DDX31: variants seen among roughly 807,000 people sequenced by gnomAD.
The protein encoded by DDX31 is ATP-dependent DNA helicase DDX31.
Under a neutral mutation model 91.3 loss-of-function variants are expected in DDX31, and 70 were observed. That is an observed-to-expected ratio of 0.77 (90% CI 0.63 to 0.94). DDX31 has a LOEUF of 0.94. DDX31 is among the 40% of genes least tolerant of loss of function. The pLI, the probability that DDX31 is intolerant of heterozygous loss-of-function variation, is 0.00. For missense variants in DDX31, 902 were observed against 925.0 expected (o/e 0.98, Z 0.32); for synonymous variants, 362 against 350.6 (o/e 1.03, Z -0.36).
intron 9 of DDX31, among the ~76,000 whole-genome samples, 176 bp from the exon 10 acceptor site, chr9:132,648,727 TG>T (rs1436184622): frequency 4.6e-5 from 7 of 152,242 alleles, no homozygotes; most frequent in Non-Finnish European, 1.0e-4. Flanking sequence ...AGTCTTTCCC[TG>T]TACTGTGAAA....
chr9:132,640,819 TTTA>T (rs1833459398), intron 14 of DDX31, among the ~76,000 whole-genome samples: 1 of 152,186 alleles, frequency 6.6e-6, no homozygotes, highest in Non-Finnish European at 1.5e-5. Flanking sequence ...AACAAATTTC[TTTA>T]TTAAGTAGAT....
chr9:132,646,143 A>G (rs781265422), intron 12 of DDX31, 72 bp from the exon 13 acceptor site: 31 of 1,491,154 alleles, frequency 2.1e-5, no homozygotes, highest in Admixed American at 1.9e-5. Flanking sequence ...ATATTTCTCT[A>G]AACTATACAG....
chr9:132,655,144 T>A (rs74459662), intron 6 of DDX31, among the ~76,000 whole-genome samples: 7,429 of 152,068 alleles, frequency 0.049, 601 homozygotes, highest in African/African-American at 0.17. Flanking sequence ...CATATGTGTG[T>A]GTAAAGAGGT....
At chr9:132,666,642 C>A (rs893740015) in intron 1 of DDX31, among the ~76,000 whole-genome samples, 1 of 152,064 alleles carries the variant, frequency 6.6e-6, no homozygotes, top group Non-Finnish European at 1.5e-5. Flanking sequence ...GTGCCTCAGC[C>A]TCCCGAGTGG....
intron 14 of DDX31, chr9:132,637,865 G>C (rs1000827177): frequency 1.0e-6 from 1 of 987,256 alleles, no homozygotes; most frequent in East Asian, 1.1e-4. Flanking sequence ...CCAGAGAAAA[G>C]CACGAAAGTC....
intron 1 of DDX31, among the ~76,000 whole-genome samples, chr9:132,669,367 G>C (rs1835556405): frequency 6.6e-6 from 1 of 151,134 alleles, no homozygotes. Flanking sequence ...GCCAGAGCCA[G>C]TTTGGAAAGT....
chr9:132,612,417 G>T, intron 18 of DDX31, 162 bp from the exon 19 acceptor site: 474 of 626,532 alleles, frequency 7.6e-4, no homozygotes, highest in East Asian at 1.4e-3. Context: ...AGACTTCTGT[G>T]TATTTCTTCA....
chr9:132,661,740 G>A (rs1179614200), intron 3 of DDX31, among the ~76,000 whole-genome samples: 2 of 152,172 alleles, frequency 1.3e-5, no homozygotes, highest in Admixed American at 1.3e-4. Context: ...TTACTCATGA[G>A]TCTGGAGAAC....
chr9:132,645,928 T>A lies in DDX31; in HGVS notation c.1347A>T (p.Lys449Asn). Residue 449 changes from lysine (K) to asparagine (N), a missense_variant, in exon 13 of 20, where the codon AAA becomes AAT. Transcript: ENST00000372159. ...GQLPSASMRLKFLRLHGGMEQ... is the reference protein window; with the variant it reads ...GQLPSASMRLNFLRLHGGMEQ... ...CCATGCCGCCATGCAGCCGTAGGAA[T>A]TTTAATCGCATGGAGGCAGATGGCA... is the stretch of plus-strand genomic sequence containing the variant. 1 of 1,613,732 alleles carries A rather than the reference T, an allele frequency of 6.2e-7. No homozygotes were observed. The highest frequency in any genetic ancestry group is 8.5e-7 in the Non-Finnish European group (1 of 1,179,810).
intron 1 of DDX31, among the ~76,000 whole-genome samples, chr9:132,665,400 T>C (rs1336465278): frequency 1.3e-5 from 2 of 152,074 alleles, no homozygotes; most frequent in East Asian, 1.9e-4. Context: ...GAGACAAAAG[T>C]ATAAAGGCAT....
intron 9 of DDX31, among the ~76,000 whole-genome samples, chr9:132,649,401 G>C (rs1834041678): frequency 6.6e-6 from 1 of 152,194 alleles, no homozygotes; most frequent in Non-Finnish European, 1.5e-5. Context: ...TAGATGCAAT[G>C]GTTGGAGTGC....
intron 19 of DDX31, among the ~76,000 whole-genome samples, chr9:132,607,465 T>A (rs1831088282): frequency 6.6e-6 from 1 of 152,208 alleles, no homozygotes; most frequent in Non-Finnish European, 1.5e-5. Flanking sequence ...ATAATGAAGA[T>A]GTCCCAGATG....
intron 1 of DDX31, chr9:132,669,589 C>T (rs1564348822): frequency 6.7e-7 from 1 of 1,498,230 alleles, no homozygotes; most frequent in Non-Finnish European, 8.9e-7. Flanking sequence ...GAAACAGCCT[C>T]TAATTCCTTC....
chr9:132,650,924 A>G (rs1834142609), intron 8 of DDX31, 151 bp downstream of exon 8: 2 of 751,280 alleles, frequency 2.7e-6, no homozygotes, highest in Admixed American at 3.1e-5. Flanking sequence ...TTAGATCAGT[A>G]AAAACCTATA....
At chr9:132,620,420 CA>C (rs1208464360) in intron 17 of DDX31, among the ~76,000 whole-genome samples, 3,523 of 107,232 alleles carry the variant, frequency 0.033, 110 homozygotes, top group African/African-American at 0.1. Flanking sequence ...TCTTCCCAAC[CA>C]AAAAAAAAAA....
chr9:132,594,585 G>A lies in DDX31; in HGVS notation c.*281C>T. 2.9e-6 allele frequency: 1 copy of A among 341,670 alleles called. No homozygotes were observed. The highest frequency in any genetic ancestry group is 5.2e-6 in the Non-Finnish European group (1 of 190,790). 21.2% of individuals were successfully genotyped at this position (341,670 alleles called of 1,614,324 possible). ...GTGCCAGCTCAACCCCGGCACGTCAGCACCTGGGTGAAGGGAGTGCCGGGC... is the reference window on the plus strand; with the variant it reads ...GTGCCAGCTCAACCCCGGCACGTCAACACCTGGGTGAAGGGAGTGCCGGGC... On this transcript the variant is annotated 3_prime_UTR_variant, in exon 20 of 20. Coordinates refer to ENST00000372159, the MANE Select transcript of DDX31 (RefSeq NM_022779.9).
chr9:132,655,621 A>G (rs562834349), intron 6 of DDX31, among the ~76,000 whole-genome samples: 1 of 152,268 alleles, frequency 6.6e-6, no homozygotes, highest in East Asian at 1.9e-4. Context: ...TATTTTTGGT[A>G]CTCTTTGAAA....
At chr9:132,625,501 G>GAAA (rs56990165) in intron 17 of DDX31, among the ~76,000 whole-genome samples, 163 bp downstream of exon 17, 1 of 140,356 alleles carries the variant, frequency 7.1e-6, no homozygotes, top group Admixed American at 7.1e-5. Flanking sequence ...CAAAGACGAG[G>GAAA]AAAAAAAAAA....
intron 16 of DDX31, among the ~76,000 whole-genome samples, chr9:132,630,049 A>T (rs1832624848): frequency 6.6e-6 from 1 of 152,256 alleles, no homozygotes; most frequent in South Asian, 2.1e-4. Flanking sequence ...AGTACAACAC[A>T]TCGTCCTATG....
Sources: allele counts gnomAD v4.1 joint callset (sites outside exome capture counted in the v4.1 genomes callset), GRCh38; gene constraint gnomAD v4.1.1; transcripts MANE v1.5; gene names NCBI Gene and HGNC (gene_info 2026-07-23, HGNC 2026-07-21).